PHKA1: variants seen among roughly 807,000 people sequenced by gnomAD.
The protein encoded by PHKA1 is phosphorylase b kinase regulatory subunit alpha, skeletal muscle isoform.
Under a neutral mutation model 110.2 loss-of-function variants are expected in PHKA1, and 60 were observed. The ratio of observed to expected loss-of-function variants is 0.54; its 90% CI spans 0.44 to 0.68. The LOEUF (loss-of-function observed/expected upper bound fraction) is 0.68. Ranked by LOEUF, PHKA1 falls within the 30% of genes least tolerant of loss-of-function variation. PHKA1 has a pLI of 0.00. For synonymous variants in PHKA1, 316 were observed against 333.6 expected (o/e 0.95, Z 0.58); for missense variants, 801 against 942.5 (o/e 0.85, Z 1.97).
intron 18 of PHKA1, chrX:72,621,718 G>A: frequency 1.4e-6 from 1 of 703,459 alleles, no homozygotes; most frequent in Non-Finnish European, 1.7e-6. Context: ...TAAGAATGGA[G>A]CTCATATTCA....
At chrX:72,600,771 G>C (rs1017423624) in intron 28 of PHKA1, among the ~76,000 whole-genome samples, 5 of 111,281 alleles carry the variant, frequency 4.5e-5, no homozygotes, top group Non-Finnish European at 9.4e-5. Context: ...TAGGAGGATT[G>C]CGTGAATCCA....
intron 25 of PHKA1, 58 bp from the exon 26 acceptor site, chrX:72,603,278 T>C: frequency 1.5e-6 from 1 of 681,940 alleles, no homozygotes; most frequent in Non-Finnish European, 2.3e-6. Flanking sequence ...ATGCCCTCTC[T>C]ATATTTTCTC....
At chrX:72,643,090 T>C (rs1556296137) in intron 14 of PHKA1, among the ~76,000 whole-genome samples, 1 of 110,905 alleles carries the variant, frequency 9.0e-6, no homozygotes, top group East Asian at 2.8e-4. Context: ...GGTCCTTTCC[T>C]CCTTGGTTGA....
chrX:72,602,666 A>G (rs1253975428), intron 26 of PHKA1, among the ~76,000 whole-genome samples: 1 of 112,106 alleles, frequency 8.9e-6, no homozygotes, highest in Non-Finnish European at 1.9e-5. Flanking sequence ...TTAGGTACGC[A>G]ATGCCAAATC....
In PHKA1 at chrX:72,638,149, T is replaced by C. The variant is rs12853028; in HGVS notation, c.1460-1763A>G. On this transcript the variant is annotated intron_variant, in intron 14 of 31. Transcript: ENST00000373542. Reference sequence around the variant, plus strand: ...CAGGTTTTTTTTGTTTTTGTTTTTGTTTTTTAAATAAAACCATGTCATGTG... The same window carrying C: ...CAGGTTTTTTTTGTTTTTGTTTTTGCTTTTTAAATAAAACCATGTCATGTG... Among the ~76,000 whole-genome samples the C allele has an allele frequency of 3.6e-4, 40 of 111,298 alleles. No homozygotes were observed. In the East Asian group the frequency reaches 9.3e-3, roughly 26 times the overall value.
rs2052803396 is a variant in PHKA1, at chrX:72,611,122, G to T, written c.2432C>A (p.Thr811Asn). 8.3e-7 allele frequency: 1 copy of T among 1,203,017 alleles called. No homozygotes were observed. Among genetic ancestry groups the T allele is most frequent in the African/African-American group, 1.7e-5 (1 of 57,534 alleles). Residue 811 changes from threonine to asparagine, a missense_variant, in exon 22 of 32, where the codon ACC becomes AAC. Physicochemically the swap from Thr to Asn is moderately conservative, Grantham distance 65. Transcript: ENST00000373542. ...TTCTCCCACTTTGCCATACAGCTCG[G>T]TAAGAAGCTCTCTCACTGTAGCACT... The part of the protein sequence containing the change: ...ERSATVRELL[T>N]ELYGKVGEIR...
At chrX:72,641,615 A>T (rs1386635468) in intron 14 of PHKA1, among the ~76,000 whole-genome samples, 1 of 111,695 alleles carries the variant, frequency 9.0e-6, no homozygotes, top group Non-Finnish European at 1.9e-5. Context: ...TAAAAAAATA[A>T]AAAAAATGTT....
At chrX:72,632,862 T>C (rs781818084) in intron 16 of PHKA1, among the ~76,000 whole-genome samples, 126 of 112,197 alleles carry the variant, frequency 1.1e-3, no homozygotes, top group African/African-American at 4.0e-3. Context: ...AAATAATTAA[T>C]TGAAAACACT....
intron 28 of PHKA1, 152 bp downstream of exon 28, chrX:72,601,839 G>A (rs782647794): frequency 2.1e-6 from 1 of 482,561 alleles, no homozygotes; most frequent in South Asian, 3.2e-5. Context: ...CCAGAAAAAG[G>A]AAAGCTATCT....
At chrX:72,599,761 A>T (rs2052634197) in intron 28 of PHKA1, 1 of 489,764 alleles carries the variant, frequency 2.0e-6, no homozygotes, top group Non-Finnish European at 3.7e-6. Flanking sequence ...GATTTATATA[A>T]GAGCATATTC....
chrX:72,713,784 G>A lies in PHKA1; in HGVS notation c.78+19C>T, dbSNP rs1556335868. 1 of 1,167,096 alleles carries A rather than the reference G, an allele frequency of 8.6e-7. No individual in the cohort carries two copies. The highest frequency in any genetic ancestry group is 1.2e-6 in the Non-Finnish European group (1 of 854,809). On this transcript the variant is annotated intron_variant, in intron 1 of 31. Coordinates refer to ENST00000373542, the MANE Select transcript of PHKA1 (RefSeq NM_002637.4). ...CTACATCCTCGCTCGGTGATTACGA[G>A]AGACACCCCTGCAGTTACCTGATGG...
intron 2 of PHKA1, among the ~76,000 whole-genome samples, chrX:72,710,585 C>T (rs1004505470): frequency 4.7e-4 from 53 of 111,666 alleles, no homozygotes; most frequent in Non-Finnish European, 3.8e-4. Context: ...ATAATAAAAA[C>T]CTGTTGCAAT....
chrX:72,678,388 C>A (rs1447000273), intron 5 of PHKA1, among the ~76,000 whole-genome samples: 3 of 112,037 alleles, frequency 2.7e-5, no homozygotes, highest in African/African-American at 9.8e-5. Flanking sequence ...ACTTTTCATG[C>A]CAAATCTCTG....
rs5958811 is a variant in PHKA1 at position 72,661,345 on chromosome X, G to A, written c.865-3704C>T. Among the ~76,000 whole-genome samples the A allele has an allele frequency of 4.6e-3, 514 of 111,408 alleles. 1 individual carries two copies. The highest frequency in any genetic ancestry group is 0.016 in the African/African-American group (488 of 30,715). On this transcript the variant is annotated intron_variant, in intron 8 of 31. Coordinates refer to ENST00000373542, the MANE Select transcript of PHKA1 (RefSeq NM_002637.4). ...TAGTAGTCAATATTTTCAGTGAAAC[G>A]TAAAAATATTCCCATTCTCTTTGAC... is the stretch of plus-strand genomic sequence containing the variant.
chrX:72,653,084 A>G (rs1413198445), intron 11 of PHKA1, among the ~76,000 whole-genome samples: 1 of 111,558 alleles, frequency 9.0e-6, no homozygotes, highest in Non-Finnish European at 1.9e-5. Flanking sequence ...TTCATTTTCC[A>G]AGACTGATCT....
At chrX:72,677,920 C>T (rs1043550364) in intron 5 of PHKA1, among the ~76,000 whole-genome samples, 4 of 110,429 alleles carry the variant, frequency 3.6e-5, no homozygotes, top group African/African-American at 1.3e-4. Flanking sequence ...CATGATGGTG[C>T]TTCTATAGTT....
chrX:72,603,409 G>T (rs1268088796), intron 25 of PHKA1, among the ~76,000 whole-genome samples, 189 bp from the exon 26 acceptor site: 1 of 111,658 alleles, frequency 9.0e-6, no homozygotes, highest in Non-Finnish European at 1.9e-5. Context: ...ATTATTTAAG[G>T]ACTGACTATC....
chrX:72,641,999 C>T (rs1556295578), intron 14 of PHKA1, among the ~76,000 whole-genome samples: 1 of 111,589 alleles, frequency 9.0e-6, no homozygotes, highest in African/African-American at 3.3e-5. Flanking sequence ...TAGCCCAGTG[C>T]CTGGTACATA....
In PHKA1 at chrX:72,622,319, A is replaced by G. The variant is rs141669666; in HGVS notation, c.1960+790T>C. On this transcript the variant is annotated intron_variant, in intron 18 of 31. Transcript: ENST00000373542. Reference sequence around the variant, plus strand: ...ATTTTTTTCTTTTCTCCAACATACCACTCTTAAGATAAAGAAATTGGCTGC... The same window carrying G: ...ATTTTTTTCTTTTCTCCAACATACCGCTCTTAAGATAAAGAAATTGGCTGC... 1,290 of 751,622 alleles carry G rather than the reference A, an allele frequency of 1.7e-3. 18 individuals are homozygous for G. The African/African-American group carries it at 0.028, about 16-fold the overall frequency. 61.9% of individuals were successfully genotyped at this position (751,622 alleles called of 1,213,427 possible).
Sources: allele counts gnomAD v4.1 joint callset (sites outside exome capture counted in the v4.1 genomes callset), GRCh38; gene constraint gnomAD v4.1.1; transcripts MANE v1.5; gene names NCBI Gene and HGNC (gene_info 2026-07-23, HGNC 2026-07-21).